Variants in UNC5D observed in about 807,000 individuals in gnomAD.
UNC5D encodes the protein netrin receptor UNC5D.
UNC5D carries 39 observed loss-of-function variants against 105.4 expected under a neutral mutation model. The observed-to-expected ratio is 0.37, with a 90% confidence interval of 0.29 to 0.48. The LOEUF is 0.48. Among genes scored for constraint, UNC5D ranks in the 20% least tolerant of loss-of-function variants. The pLI is 0.98. For synonymous variants in UNC5D, 452 were observed against 450.4 expected (o/e 1.00, Z -0.04); for missense variants, 991 against 1,202.4 (o/e 0.82, Z 2.60).
At chr8:35,441,544 G>A (rs943056629) in intron 1 of UNC5D, among the ~76,000 whole-genome samples, 2 of 151,706 alleles carry the variant, frequency 1.3e-5, no homozygotes, top group Non-Finnish European at 2.9e-5. Context: ...TTTCCTGGTG[G>A]TGCCTTGAAT....
chr8:35,456,851 A>G (rs992586750), intron 1 of UNC5D, among the ~76,000 whole-genome samples: 1 of 152,224 alleles, frequency 6.6e-6, no homozygotes, highest in Non-Finnish European at 1.5e-5. Flanking sequence ...GTAAACATGC[A>G]TTATACGATG....
rs966837703 is a variant in UNC5D at position 35,235,547 on chromosome 8, C to A, written c.-238C>A. The A allele has an allele frequency of 8.3e-6, 3 of 360,712 alleles. No individual in the cohort carries two copies. In the East Asian group the frequency reaches 1.2e-4, roughly 15 times the overall value. The allele number at this position is 360,712 out of a possible 1,614,324, so 22.3% of individuals were successfully genotyped here. A position where few individuals can be genotyped will look rare whatever the true frequency, so the allele number is the denominator to read the frequency against. ...CGGGGACTGCGGGCGACTCCGGCAT[C>A]CGCGCTGGCGGCAGCGGTCGCCGCG... On this transcript the variant is annotated 5_prime_UTR_variant, in exon 1 of 17. Coordinates refer to ENST00000404895, the MANE Select transcript of UNC5D (RefSeq NM_080872.4).
intron 1 of UNC5D, among the ~76,000 whole-genome samples, chr8:35,351,132 G>T (rs1315603021): frequency 6.6e-6 from 1 of 151,948 alleles, no homozygotes; most frequent in African/African-American, 2.4e-5. Flanking sequence ...ATATACTTAA[G>T]CCTGAGGCAG....
chr8:35,428,063 A>C (rs1806362983), intron 1 of UNC5D, among the ~76,000 whole-genome samples: 1 of 152,186 alleles, frequency 6.6e-6, no homozygotes, highest in Admixed American at 6.5e-5. Context: ...TGAAATGTAG[A>C]TGGATAGTTA....
chr8:35,506,122 A>G (rs1481149508), intron 1 of UNC5D, among the ~76,000 whole-genome samples: 2 of 152,172 alleles, frequency 1.3e-5, no homozygotes, highest in Admixed American at 6.6e-5. Flanking sequence ...TAAATTCTGT[A>G]GTTCAGTGAG....
chr8:35,770,811 G>C (rs1208778722), intron 15 of UNC5D, among the ~76,000 whole-genome samples: 1 of 152,184 alleles, frequency 6.6e-6, no homozygotes, highest in Non-Finnish European at 1.5e-5. Flanking sequence ...TTCCAAAAGT[G>C]TTGGAAGTTG....
intron 1 of UNC5D, among the ~76,000 whole-genome samples, chr8:35,247,183 A>G (rs1008017486): frequency 1.3e-5 from 2 of 152,056 alleles, no homozygotes; most frequent in Non-Finnish European, 2.9e-5. Flanking sequence ...CCAGAAGACT[A>G]AAGACTATTG....
At chr8:35,403,776 G>A (rs769080737) in intron 1 of UNC5D, among the ~76,000 whole-genome samples, 1 of 152,148 alleles carries the variant, frequency 6.6e-6, no homozygotes, top group Non-Finnish European at 1.5e-5. Flanking sequence ...TATAGAGAAT[G>A]ACCAAAAGGG....
At chr8:35,323,682 CTCT>C (rs1809926581) in intron 1 of UNC5D, among the ~76,000 whole-genome samples, 1 of 152,138 alleles carries the variant, frequency 6.6e-6, no homozygotes, top group Non-Finnish European at 1.5e-5. Flanking sequence ...GGGGCAGGCA[CTCT>C]TCTTGTCTCC....
chr8:35,268,645 T>A (rs2128830871), intron 1 of UNC5D, among the ~76,000 whole-genome samples: 1 of 152,272 alleles, frequency 6.6e-6, no homozygotes, highest in African/African-American at 2.4e-5. Flanking sequence ...TAAAATTTTC[T>A]GTTTGGGATA....
In UNC5D at chr8:35,750,616, G is replaced by T. The variant is rs1359322821; in HGVS notation, c.1970G>T (p.Cys657Phe). The T allele has an allele frequency of 1.2e-6, 2 of 1,614,118 alleles. No homozygotes were observed. Among genetic ancestry groups the T allele is most frequent in the South Asian group, 1.1e-5 (1 of 91,088 alleles). Residue 657 changes from cysteine to phenylalanine, a missense_variant, in exon 13 of 17, where the codon TGT becomes TTT. Around this residue, in one of 3 missense-constraint regions of UNC5D, gnomAD observed 944 missense variants for 1,131.6 expected, o/e 0.83. Coordinates refer to ENST00000404895, the MANE Select transcript of UNC5D (RefSeq NM_080872.4). Reference protein sequence around the residue: ...VMSVEDESTSCYCLLDPFACH... With the variant: ...VMSVEDESTSFYCLLDPFACH... Reference sequence around the variant, plus strand: ...TCAGTGGAAGATGAATCTACATCCTGTTACTGCCTTTTGGACCCCTTTGCG... The same window carrying T: ...TCAGTGGAAGATGAATCTACATCCTTTTACTGCCTTTTGGACCCCTTTGCG...
At chr8:35,731,713 A>C (rs1418285783) in intron 11 of UNC5D, among the ~76,000 whole-genome samples, 1 of 152,164 alleles carries the variant, frequency 6.6e-6, no homozygotes, top group Non-Finnish European at 1.5e-5. Context: ...CTCCAAAGAA[A>C]ATATCCCCGG....
At chr8:35,749,095 G>GT (rs1414351509) in intron 12 of UNC5D, among the ~76,000 whole-genome samples, 7 of 152,026 alleles carry the variant, frequency 4.6e-5, no homozygotes, top group Non-Finnish European at 8.8e-5. Context: ...AACTATGTCT[G>GT]TTTTTTTCCA....
intron 1 of UNC5D, among the ~76,000 whole-genome samples, chr8:35,451,041 CTTTTTT>C (rs11368288): frequency 3.4e-4 from 35 of 103,990 alleles, no homozygotes; most frequent in African/African-American, 1.2e-3. Context: ...TAATAATAAT[CTTTTTT>C]TTTTTTTTTT....
At chr8:35,568,020 G>C in intron 2 of UNC5D, 78 bp from the exon 3 acceptor site, 1 of 1,555,622 alleles carries the variant, frequency 6.4e-7, no homozygotes, top group Middle Eastern at 1.8e-4. Context: ...AAAAAGAAAA[G>C]GTTTGGCTAA....
chr8:35,689,923 T>C (rs1264008084), intron 7 of UNC5D, among the ~76,000 whole-genome samples: 2 of 152,208 alleles, frequency 1.3e-5, no homozygotes, highest in African/African-American at 4.8e-5. Context: ...GATGCATATG[T>C]GCTTTTGTGA....
At chr8:35,479,644 T>C (rs1193683499) in intron 1 of UNC5D, among the ~76,000 whole-genome samples, 2 of 152,178 alleles carry the variant, frequency 1.3e-5, no homozygotes, top group African/African-American at 2.4e-5. Context: ...TGCAACAACA[T>C]GGATGTAGCT....
chr8:35,650,106 A>G (rs1823307614), intron 4 of UNC5D, among the ~76,000 whole-genome samples: 1 of 152,168 alleles, frequency 6.6e-6, no homozygotes, highest in African/African-American at 2.4e-5. Context: ...AAAAATGTGT[A>G]TTGAAACTAC....
chr8:35,684,784 T>C, intron 6 of UNC5D, 35 bp downstream of exon 6: 1 of 1,575,804 alleles, frequency 6.3e-7, no homozygotes, highest in Non-Finnish European at 8.6e-7. Context: ...TCCCTTCTGA[T>C]CCACCAACAC....
Sources: gnomAD v4.1 joint callset for allele counts (sites outside exome capture counted in the v4.1 genomes callset) on GRCh38, gnomAD v4.1.1 for gene constraint, gnomAD v4.1.1 regional missense constraint, MANE v1.5 for transcripts, NCBI Gene and HGNC (gene_info 2026-07-23, HGNC 2026-07-21) for gene names.